The following CDH20 variants were observed in gnomAD, a reference collection of about 807,000 sequenced individuals.
The protein encoded by CDH20 is cadherin 20.
CDH20 carries 29 observed loss-of-function variants against 74.2 expected under a neutral mutation model. The ratio of observed to expected loss-of-function variants is 0.39; its 90% CI spans 0.29 to 0.53. The LOEUF (loss-of-function observed/expected upper bound fraction) is 0.53. Ranked by LOEUF, CDH20 falls within the 20% of genes least tolerant of loss-of-function variation. The probability of loss-of-function intolerance (pLI) is 0.69; values close to 1 mark genes in which losing one functional copy is unlikely to be tolerated. For missense variants in CDH20, 988 were observed against 1,048.3 expected (o/e 0.94, Z 0.79); for synonymous variants, 469 against 405.4 (o/e 1.16, Z -1.88).
chr18:61,500,102 TAAAAAAAAAAAAAAAAAAAAAAAAAA>T (rs534695760), intron 3 of CDH20, among the ~76,000 whole-genome samples: 8 of 56,576 alleles, frequency 1.4e-4, no homozygotes, highest in East Asian at 6.0e-4. Context: ...GACTCCATCT[TAAAAAAAAAAAAAAAAAAAAAAAAAA>T]AAAAAAAAAA....
intron 7 of CDH20, among the ~76,000 whole-genome samples, chr18:61,530,932 C>T (rs1170609780): frequency 6.6e-6 from 1 of 152,212 alleles, no homozygotes; most frequent in East Asian, 1.9e-4. Context: ...CCGGAAAGCA[C>T]CAGCTACTGC....
intron 1 of CDH20, among the ~76,000 whole-genome samples, chr18:61,401,465 A>G (rs974129556): frequency 1.3e-5 from 2 of 152,150 alleles, no homozygotes; most frequent in African/African-American, 4.8e-5. Context: ...ACACACATAT[A>G]TTTATGTATA....
chr18:61,524,653 G>A (rs541340241), intron 6 of CDH20, among the ~76,000 whole-genome samples: 118 of 152,170 alleles, frequency 7.8e-4, no homozygotes, highest in Non-Finnish European at 1.1e-3. Flanking sequence ...AGTAGCTCAC[G>A]CCAGTAATCC....
chr18:61,414,736 T>C (rs1912629415), intron 1 of CDH20, among the ~76,000 whole-genome samples: 1 of 152,058 alleles, frequency 6.6e-6, no homozygotes, highest in Admixed American at 6.5e-5. Context: ...TTGATTAATG[T>C]ACATGATTGT....
intron 6 of CDH20, among the ~76,000 whole-genome samples, chr18:61,513,984 T>G (rs1386823752): frequency 6.6e-6 from 1 of 152,080 alleles, no homozygotes; most frequent in East Asian, 1.9e-4. Flanking sequence ...TGTCTTGGAG[T>G]TGCTCTTCTC....
At chr18:61,544,624 G>A (rs988406573) in intron 9 of CDH20, among the ~76,000 whole-genome samples, 3 of 152,116 alleles carry the variant, frequency 2.0e-5, no homozygotes, top group Non-Finnish European at 2.9e-5. Context: ...CTTGGCATCC[G>A]CATCATTCCA....
At chr18:61,445,023 T>C (rs1177815514) in intron 1 of CDH20, among the ~76,000 whole-genome samples, 1 of 152,188 alleles carries the variant, frequency 6.6e-6, no homozygotes, top group Non-Finnish European at 1.5e-5. Context: ...ATATCATTTA[T>C]TAATATCATC....
chr18:61,535,992 A>G (rs1467047030), intron 7 of CDH20, among the ~76,000 whole-genome samples: 2 of 152,134 alleles, frequency 1.3e-5, no homozygotes, highest in Non-Finnish European at 2.9e-5. Context: ...AAGGTGGGTC[A>G]TTAGCATGTT....
At position 61,539,026 on chromosome 18, in the gene CDH20, A is replaced by C; in HGVS notation, c.1411A>C (p.Asn471His). The C allele has an allele frequency of 6.2e-7, 1 of 1,613,822 alleles. No individual in the cohort carries two copies. The highest frequency in any genetic ancestry group is 2.2e-5 in the East Asian group (1 of 44,856). ...NITVLAMEMN[N>H]PSQVGSVPVT... ...GGTTTTCCTTGTGTTCCCTTTAGAC[A>C]ATCCCTCCCAGGTTGGAAGTGTTCC... Residue 471 changes from asparagine to histidine, a missense_variant and splice_region_variant, in exon 9 of 12, where the codon AAT (asparagine) becomes CAT (histidine). This residue lies in a region of CDH20 where 613 missense variants were observed against 755.2 expected (regional missense o/e 0.81). Coordinates refer to ENST00000262717, the MANE Select transcript of CDH20 (RefSeq NM_031891.4).
At chr18:61,538,431 G>A (rs1320591162) in intron 8 of CDH20, among the ~76,000 whole-genome samples, 1 of 151,816 alleles carries the variant, frequency 6.6e-6, no homozygotes, top group Admixed American at 6.6e-5. Context: ...TGATAGCAAA[G>A]GTTCACCAAC....
intron 2 of CDH20, among the ~76,000 whole-genome samples, chr18:61,495,932 G>A (rs1270325233): frequency 1.3e-5 from 2 of 151,924 alleles, no homozygotes; most frequent in Non-Finnish European, 2.9e-5. Flanking sequence ...CTTCAAAGCT[G>A]AGATGCTTCC....
intron 3 of CDH20, among the ~76,000 whole-genome samples, chr18:61,499,904 T>C (rs1652870646): frequency 6.6e-6 from 1 of 151,576 alleles, no homozygotes; most frequent in South Asian, 2.1e-4. Context: ...GCCAACATGG[T>C]GAAACCCCGT....
intron 1 of CDH20, among the ~76,000 whole-genome samples, chr18:61,415,600 T>G (rs899171365): frequency 6.6e-6 from 1 of 152,228 alleles, no homozygotes; most frequent in Non-Finnish European, 1.5e-5. Flanking sequence ...CGAAAACTCA[T>G]AATCTCAAAT....
chr18:61,500,171 G>A (rs1911325331), intron 3 of CDH20, among the ~76,000 whole-genome samples: 1 of 135,306 alleles, frequency 7.4e-6, no homozygotes, highest in Non-Finnish European at 1.5e-5. Flanking sequence ...CCCAAAGGCT[G>A]TGTCCTTATC....
intron 7 of CDH20, among the ~76,000 whole-genome samples, chr18:61,534,313 CAG>C (rs2088349989): frequency 6.6e-6 from 1 of 152,192 alleles, no homozygotes; most frequent in Non-Finnish European, 1.5e-5. Flanking sequence ...TTGTAGAAAA[CAG>C]TATGGAGGTT....
At chr18:61,396,253 G>C (rs1463957558) in intron 1 of CDH20, among the ~76,000 whole-genome samples, 1 of 152,056 alleles carries the variant, frequency 6.6e-6, no homozygotes, top group Non-Finnish European at 1.5e-5. Context: ...AAGAGTATTA[G>C]TTCATTCAGA....
chr18:61,402,437 GA>G lies in CDH20; in HGVS notation c.-153+68619del, dbSNP rs970858377. Reference sequence around the variant, plus strand: ...TTAAAAACCATCATATATTCAAGGGGAAAAAAAAAGGAAATTGACTAGCAAA... The same window carrying G: ...TTAAAAACCATCATATATTCAAGGGGAAAAAAAAGGAAATTGACTAGCAAA... On this transcript the variant is annotated intron_variant, in intron 1 of 11. Transcript: ENST00000262717. Among the ~76,000 whole-genome samples the G allele has an allele frequency of 4.2e-4, 63 of 150,146 alleles. 1 individual carries two copies. Among genetic ancestry groups the G allele is most frequent in the Admixed American group, 1.1e-3 (16 of 15,114 alleles).
chr18:61,363,362 G>C (rs192050214), intron 1 of CDH20, among the ~76,000 whole-genome samples: 6 of 152,022 alleles, frequency 3.9e-5, no homozygotes, highest in African/African-American at 1.2e-4. Context: ...TCCTGCTTAG[G>C]AATTCTACTC....
chr18:61,440,300 C>A (rs1168517367), intron 1 of CDH20, among the ~76,000 whole-genome samples: 1 of 152,110 alleles, frequency 6.6e-6, no homozygotes, highest in Non-Finnish European at 1.5e-5. Context: ...TTTCTGCTAT[C>A]ATGAGAGACA....
Sources: allele counts gnomAD v4.1 joint callset (sites outside exome capture counted in the v4.1 genomes callset), GRCh38; gene constraint gnomAD v4.1.1; regional missense constraint gnomAD v4.1.1; transcripts MANE v1.5; gene names NCBI Gene and HGNC (gene_info 2026-07-23, HGNC 2026-07-21).